The following CSMD1 variants were observed in gnomAD, a reference collection of about 807,000 sequenced individuals.
CSMD1 encodes the protein CUB and sushi domain-containing protein 1.
A neutral mutation model predicts 417.5 loss-of-function variants in CSMD1; 213 were observed. That is an observed-to-expected ratio of 0.51 (90% CI 0.46 to 0.57). The LOEUF (loss-of-function observed/expected upper bound fraction) is 0.57, where lower values mean the gene tolerates loss of function less well. CSMD1 is among the 20% of genes least tolerant of loss of function. The probability of loss-of-function intolerance (pLI) is 0.00; values close to 1 mark genes in which losing one functional copy is unlikely to be tolerated. For missense variants in CSMD1, 6,923 were observed against 4,529.7 expected (o/e 1.53, Z -15.17); for synonymous variants, 2,862 against 1,736.8 (o/e 1.65, Z -16.11).
intron 10 of CSMD1, among the ~76,000 whole-genome samples, chr8:3,561,049 G>C (rs1313339642): frequency 6.6e-6 from 1 of 152,112 alleles, no homozygotes; most frequent in East Asian, 1.9e-4. Context: ...AAAATGCCCA[G>C]CATCACTAAT....
At chr8:3,107,367 T>A (rs1021470882) in intron 45 of CSMD1, among the ~76,000 whole-genome samples, 1 of 152,200 alleles carries the variant, frequency 6.6e-6, no homozygotes, top group African/African-American at 2.4e-5. Context: ...AGTGCATGAA[T>A]GTGTCCCCCT....
intron 5 of CSMD1, among the ~76,000 whole-genome samples, chr8:3,766,486 A>C (rs935657271): frequency 2.6e-5 from 4 of 152,132 alleles, no homozygotes; most frequent in Admixed American, 1.3e-4. Flanking sequence ...ACGAAGAAAC[A>C]AACAGGGAGA....
chr8:4,941,715 C>A (rs765778487), intron 1 of CSMD1, among the ~76,000 whole-genome samples: 4 of 152,134 alleles, frequency 2.6e-5, no homozygotes, highest in Non-Finnish European at 4.4e-5. Flanking sequence ...TCTCTCGCCT[C>A]AACCTCCTGA....
At chr8:4,014,264 A>C (rs140945995) in intron 4 of CSMD1, among the ~76,000 whole-genome samples, 1 of 152,338 alleles carries the variant, frequency 6.6e-6, no homozygotes, top group African/African-American at 2.4e-5. Flanking sequence ...ACAGTGCTAT[A>C]TGTACAGAGA....
At chr8:3,720,823 CT>C (rs149569086) in intron 6 of CSMD1, among the ~76,000 whole-genome samples, 1 of 150,992 alleles carries the variant, frequency 6.6e-6, no homozygotes, top group African/African-American at 2.4e-5. Flanking sequence ...ACGTTTGAGA[CT>C]TTTTTTTTCG....
chr8:4,575,415 C>G (rs997377908), intron 2 of CSMD1, among the ~76,000 whole-genome samples: 1 of 152,090 alleles, frequency 6.6e-6, no homozygotes, highest in African/African-American at 2.4e-5. Context: ...GTTGTAGAAC[C>G]ATTTCCACTA....
At chr8:2,960,833 A>G (rs1166739475) in intron 62 of CSMD1, among the ~76,000 whole-genome samples, 1 of 151,782 alleles carries the variant, frequency 6.6e-6, no homozygotes, top group Non-Finnish European at 1.5e-5. Flanking sequence ...AATTTAACAG[A>G]CAAATAATAG....
rs190864619 is a variant in CSMD1 at position 4,747,909 on chromosome 8, T to C, written c.86-110351A>G. 1.8e-4 allele frequency among the ~76,000 whole-genome samples: 27 copies of C among 152,350 alleles called. No homozygotes were observed. The East Asian group carries it at 2.9e-3, about 16-fold the overall frequency. On this transcript the variant is annotated intron_variant, in intron 1 of 69. Coordinates refer to ENST00000635120, the MANE Select transcript of CSMD1 (RefSeq NM_033225.6). ...TGTTGTTGCTTTAAGCAAAGGATAA[T>C]CAATGACAAATACACTATTTATTGC...
intron 3 of CSMD1, among the ~76,000 whole-genome samples, chr8:4,317,568 T>A: frequency 6.6e-6 from 1 of 152,046 alleles, no homozygotes; most frequent in East Asian, 1.9e-4. Flanking sequence ...GTGTCCAAGT[T>A]AAGTGTCAGT....
At chr8:4,041,211 G>C (rs1207671169) in intron 3 of CSMD1, among the ~76,000 whole-genome samples, 1 of 151,812 alleles carries the variant, frequency 6.6e-6, no homozygotes, top group Non-Finnish European at 1.5e-5. Context: ...TAGAGACGGG[G>C]TTTCACCGTG....
intron 5 of CSMD1, among the ~76,000 whole-genome samples, chr8:3,898,593 G>T (rs767282564): frequency 1.3e-5 from 2 of 152,144 alleles, no homozygotes; most frequent in Non-Finnish European, 2.9e-5. Context: ...AAAAAGATTT[G>T]CCTGGGGGCT....
chr8:4,063,237 C>G (rs2130746977), intron 3 of CSMD1, among the ~76,000 whole-genome samples: 1 of 151,744 alleles, frequency 6.6e-6, no homozygotes, highest in South Asian at 2.1e-4. Flanking sequence ...TTCAAAATAT[C>G]ACATGTATCC....
At chr8:4,179,000 GC>G (rs1798207191) in intron 3 of CSMD1, among the ~76,000 whole-genome samples, 2 of 152,094 alleles carry the variant, frequency 1.3e-5, no homozygotes. Flanking sequence ...TGGCCATACT[GC>G]CCAAGGTAAT....
In CSMD1 at chr8:3,317,569, C is replaced by T. The variant is rs532978891; in HGVS notation, c.3632-9066G>A. On this transcript the variant is annotated intron_variant, in intron 23 of 69. Coordinates refer to ENST00000635120, the MANE Select transcript of CSMD1 (RefSeq NM_033225.6). ...GGGTGAATAGTTAAAAAATAAAAAG[C>T]CCAGAATGACTTAATTTTGTTTTGT... 7.5e-4 allele frequency among the ~76,000 whole-genome samples: 114 copies of T among 152,210 alleles called. 1 individual carries two copies. Among genetic ancestry groups the T allele is most frequent in the Middle Eastern group, 6.8e-3 (2 of 294 alleles).
At chr8:3,591,520 A>G (rs1800843941) in intron 8 of CSMD1, among the ~76,000 whole-genome samples, 2 of 152,212 alleles carry the variant, frequency 1.3e-5, no homozygotes, top group Admixed American at 1.3e-4. Flanking sequence ...TGACTCGAAG[A>G]TTAAACTAAT....
chr8:3,115,291 T>G (rs780902500), intron 42 of CSMD1, among the ~76,000 whole-genome samples: 1 of 145,744 alleles, frequency 6.9e-6, no homozygotes, highest in African/African-American at 2.5e-5. Context: ...AACCTCCGCC[T>G]TCTGCGTTCA....
chr8:4,223,286 C>T (rs1173425906), intron 3 of CSMD1, among the ~76,000 whole-genome samples: 1 of 152,146 alleles, frequency 6.6e-6, no homozygotes, highest in Non-Finnish European at 1.5e-5. Context: ...AGACTTTTTG[C>T]CTCGAAATTC....
rs145642555 is a variant in CSMD1 at position 3,822,227 on chromosome 8, C to T, written c.819-68185G>A. Among the ~76,000 whole-genome samples the T allele has an allele frequency of 7.2e-5, 11 of 152,266 alleles. No individual in the cohort carries two copies. In the East Asian group the frequency reaches 2.1e-3, roughly 29 times the overall value. On this transcript the variant is annotated intron_variant, in intron 5 of 69. Transcript: ENST00000635120. Reference sequence around the variant, plus strand: ...CTTGACTAGACACTCTGCCATGTGCCTGCTTCCATCACTTAACCTCTGGAC... The same window carrying T: ...CTTGACTAGACACTCTGCCATGTGCTTGCTTCCATCACTTAACCTCTGGAC...
intron 8 of CSMD1, among the ~76,000 whole-genome samples, chr8:3,609,226 G>C (rs575024084): frequency 6.6e-6 from 1 of 152,290 alleles, no homozygotes; most frequent in South Asian, 2.1e-4. Context: ...TACATATCCT[G>C]TTAGCACAGA....
Sources: allele counts gnomAD v4.1 joint callset (sites outside exome capture counted in the v4.1 genomes callset), GRCh38; gene constraint gnomAD v4.1.1; transcripts MANE v1.5; gene names NCBI Gene and HGNC (gene_info 2026-07-23, HGNC 2026-07-21).